The following ROBO1 variants were observed in gnomAD, a reference collection of about 807,000 sequenced individuals.
ROBO1 encodes roundabout guidance receptor 1.
Under a neutral mutation model 195.9 loss-of-function variants are expected in ROBO1, and 149 were observed. That is an observed-to-expected ratio of 0.76 (90% CI 0.67 to 0.87). ROBO1 has a LOEUF of 0.87. Among genes scored for constraint, ROBO1 ranks in the 40% least tolerant of loss-of-function variants. The pLI is 0.00. For missense variants in ROBO1, 1,933 were observed against 2,068.3 expected, an observed-to-expected ratio of 0.93 and a Z score of 1.27; for synonymous variants, 816 against 733.2, an observed-to-expected ratio of 1.11 and a Z score of -1.82.
intron 3 of ROBO1, among the ~76,000 whole-genome samples, chr3:79,110,474 C>T (rs568757378): frequency 4.9e-4 from 74 of 151,724 alleles, no homozygotes; most frequent in African/African-American, 1.6e-3. Flanking sequence ...CCCAATTGAC[C>T]GAGTAAATCT....
At chr3:78,925,570 C>G (rs559097026) in intron 4 of ROBO1, among the ~76,000 whole-genome samples, 1 of 152,252 alleles carries the variant, frequency 6.6e-6, no homozygotes, top group East Asian at 1.9e-4. Context: ...ACGAAAAACA[C>G]CTTTTTTCAT....
intron 5 of ROBO1, among the ~76,000 whole-genome samples, chr3:78,739,839 A>C (rs2082481071): frequency 6.6e-6 from 1 of 152,152 alleles, no homozygotes; most frequent in Admixed American, 6.5e-5. Flanking sequence ...GAACATTAAA[A>C]ACAGTACTTC....
intron 1 of ROBO1, among the ~76,000 whole-genome samples, chr3:79,750,679 C>T (rs1704094359): frequency 6.6e-6 from 1 of 152,176 alleles, no homozygotes; most frequent in Non-Finnish European, 1.5e-5. Flanking sequence ...TTGGCTGCTG[C>T]CATCCACGTA....
chr3:78,917,548 T>C (rs1300361817), intron 4 of ROBO1, among the ~76,000 whole-genome samples: 1 of 152,160 alleles, frequency 6.6e-6, no homozygotes, highest in East Asian at 1.9e-4. Context: ...CTCACTAGTT[T>C]TGCATCTAGA....
intron 2 of ROBO1, among the ~76,000 whole-genome samples, chr3:79,173,784 C>A (rs1191184760): frequency 6.6e-6 from 1 of 152,118 alleles, no homozygotes; most frequent in South Asian, 2.1e-4. Flanking sequence ...CAGCTGGGCT[C>A]CTGAGTCTGG....
intron 4 of ROBO1, among the ~76,000 whole-genome samples, chr3:78,922,902 T>C (rs530242847): frequency 6.6e-6 from 1 of 152,102 alleles, no homozygotes; most frequent in East Asian, 1.9e-4. Context: ...CTGGACTCAT[T>C]GTCTGATTTT....
At chr3:78,873,692 G>A (rs998989951) in intron 4 of ROBO1, among the ~76,000 whole-genome samples, 7 of 152,040 alleles carry the variant, frequency 4.6e-5, no homozygotes, top group Non-Finnish European at 7.4e-5. Context: ...ATTCCTGAGC[G>A]AGGTTAGGAA....
At chr3:79,451,059 CT>C (rs1310634255) in intron 2 of ROBO1, among the ~76,000 whole-genome samples, 1 of 151,104 alleles carries the variant, frequency 6.6e-6, no homozygotes, top group Non-Finnish European at 1.5e-5. Context: ...TTTTTCAATT[CT>C]TGTCTTTTTA....
chr3:79,690,917 C>T (rs1313280162), intron 1 of ROBO1, among the ~76,000 whole-genome samples: 1 of 151,816 alleles, frequency 6.6e-6, no homozygotes. Flanking sequence ...GGTAGTAACT[C>T]TTAAAAAAAT....
intron 8 of ROBO1, among the ~76,000 whole-genome samples, chr3:78,696,606 A>G (rs1473079337): frequency 6.6e-6 from 1 of 150,430 alleles, no homozygotes; most frequent in Non-Finnish European, 1.5e-5. Flanking sequence ...TTAACCTAAA[A>G]TCATTACTAC....
intron 3 of ROBO1, among the ~76,000 whole-genome samples, chr3:79,048,997 A>G (rs1467578176): frequency 6.6e-6 from 1 of 152,150 alleles, no homozygotes; most frequent in Non-Finnish European, 1.5e-5. Flanking sequence ...TCTCCTCCAA[A>G]AGATCACACA....
At chr3:79,636,015 C>A (rs1268065602) in intron 1 of ROBO1, among the ~76,000 whole-genome samples, 1 of 151,938 alleles carries the variant, frequency 6.6e-6, no homozygotes, top group East Asian at 1.9e-4. Flanking sequence ...TTTGTTATGC[C>A]AGTAGTCTTT....
chr3:79,025,301 G>T (rs535272425), intron 3 of ROBO1, among the ~76,000 whole-genome samples: 2 of 152,018 alleles, frequency 1.3e-5, no homozygotes, highest in African/African-American at 4.8e-5. Context: ...ACTTACATTC[G>T]CACGCAATAC....
chr3:79,164,014 T>A (rs1393683002), intron 2 of ROBO1, among the ~76,000 whole-genome samples: 1 of 152,082 alleles, frequency 6.6e-6, no homozygotes, highest in Non-Finnish European at 1.5e-5. Flanking sequence ...ATTAAAATAA[T>A]CCTTGGAAGA....
At position 79,500,995 on chromosome 3, in the gene ROBO1, C is replaced by G. The variant is rs181410328; in HGVS notation, c.88+88829G>C. Among the ~76,000 whole-genome samples, 8 of 152,206 alleles carry G rather than the reference C, an allele frequency of 5.3e-5. No homozygotes were observed. In the East Asian group the frequency reaches 1.6e-3, roughly 29 times the overall value. On this transcript the variant is annotated intron_variant, in intron 2 of 30. Transcript: ENST00000464233. ...CCATCACTCCTCCACCTCAGATGAG[C>G]CTTCCACACCCCTCACCACTCACTC...
chr3:78,898,952 C>G (rs2107452911), intron 4 of ROBO1, among the ~76,000 whole-genome samples: 1 of 152,150 alleles, frequency 6.6e-6, no homozygotes, highest in South Asian at 2.1e-4. Context: ...GACTAGAAAG[C>G]CCAGAGGTAC....
intron 2 of ROBO1, among the ~76,000 whole-genome samples, chr3:79,558,102 G>A (rs1942777917): frequency 6.6e-6 from 1 of 152,034 alleles, no homozygotes; most frequent in Non-Finnish European, 1.5e-5. Context: ...GTACAGTTGA[G>A]CCTTGAAAAA....
intron 4 of ROBO1, among the ~76,000 whole-genome samples, chr3:78,815,927 C>T (rs2084887365): frequency 6.6e-6 from 1 of 152,002 alleles, no homozygotes; most frequent in Non-Finnish European, 1.5e-5. Flanking sequence ...TAGAGATACA[C>T]AGTTACTATA....
At chr3:79,075,010 A>G (rs2079148720) in intron 3 of ROBO1, among the ~76,000 whole-genome samples, 2 of 151,936 alleles carry the variant, frequency 1.3e-5, no homozygotes, top group African/African-American at 4.8e-5. Context: ...GATAGAGGAT[A>G]TTAATATGGA....
Sources: allele counts gnomAD v4.1 joint callset (sites outside exome capture counted in the v4.1 genomes callset), GRCh38; gene constraint gnomAD v4.1.1; transcripts MANE v1.5; gene names NCBI Gene and HGNC (gene_info 2026-07-23, HGNC 2026-07-21).